The following CUX2 variants were observed in gnomAD, a reference collection of about 807,000 sequenced individuals.
CUX2 encodes the protein cut like homeobox 2.
Under a neutral mutation model 144.8 loss-of-function variants are expected in CUX2, and 40 were observed. The ratio of observed to expected loss-of-function variants is 0.28; its 90% CI spans 0.21 to 0.36. The LOEUF (loss-of-function observed/expected upper bound fraction) is 0.36, where lower values mean the gene tolerates loss of function less well. Among genes scored for constraint, CUX2 ranks in the 10% least tolerant of loss-of-function variants. The probability of loss-of-function intolerance (pLI) is 1.00; values close to 1 mark genes in which losing one functional copy is unlikely to be tolerated. For synonymous variants in CUX2, 827 were observed against 875.6 expected (o/e 0.94, Z 0.98); for missense variants, 1,615 against 1,994.0 (o/e 0.81, Z 3.62).
intron 1 of CUX2, among the ~76,000 whole-genome samples, chr12:111,085,911 T>A (rs997459119): frequency 1.3e-5 from 2 of 152,240 alleles, no homozygotes; most frequent in African/African-American, 2.4e-5. Context: ...CATCAGTGAA[T>A]GCTGGTGGAG....
rs1466274513 is a variant in CUX2, at chr12:111,310,558, A to C, written c.1776A>C (p.Leu592=). ...GLSQGSVSEI[L]ARPKPWRKLT... is the part of the protein sequence containing the mutation. ...CGCAGGGCTCGGTCAGCGAGATCCT[A>C]GCCCGGCCCAAGCCCTGGCGCAAGC... Residue 592 remains leucine, a synonymous_variant, in exon 15 of 22, where the codon CTA becomes CTC. Transcript: ENST00000261726. This position sits in a 1 kb window ranked among gnomAD's most constrained non-coding sequence, Gnocchi z 7.9. 6.2e-7 allele frequency: 1 copy of C among 1,613,962 alleles called. No homozygotes were observed. The highest frequency in any genetic ancestry group is 8.5e-7 in the Non-Finnish European group (1 of 1,179,992).
At chr12:111,100,103 C>G in intron 1 of CUX2, 1 of 455,946 alleles carries the variant, frequency 2.2e-6, no homozygotes, top group Non-Finnish European at 4.4e-6. Context: ...GGAGAGGAGG[C>G]AGGAGCTGCC....
intron 3 of CUX2, among the ~76,000 whole-genome samples, chr12:111,231,573 A>C (rs560611028): frequency 1.3e-5 from 2 of 152,364 alleles, no homozygotes; most frequent in Non-Finnish European, 2.9e-5. Context: ...AGAAGTCAGC[A>C]GACTGTGGCC....
chr12:111,149,546 C>G (rs1876907857), intron 1 of CUX2, among the ~76,000 whole-genome samples: 1 of 152,106 alleles, frequency 6.6e-6, no homozygotes, highest in South Asian at 2.1e-4. Flanking sequence ...AAAAATGTCT[C>G]CAGATGTTAC....
intron 3 of CUX2, among the ~76,000 whole-genome samples, chr12:111,254,856 T>C (rs1233285377): frequency 6.6e-6 from 1 of 152,104 alleles, no homozygotes; most frequent in Non-Finnish European, 1.5e-5. Context: ...GCAGTCTTTT[T>C]TTTTCCTTTT....
chr12:111,150,990 G>T (rs927711922), intron 1 of CUX2, among the ~76,000 whole-genome samples: 1 of 152,184 alleles, frequency 6.6e-6, no homozygotes, highest in Non-Finnish European at 1.5e-5. Flanking sequence ...GTTTTCAACT[G>T]ACCTGATTCC....
At chr12:111,331,857 A>G (rs1008571497) in intron 18 of CUX2, among the ~76,000 whole-genome samples, 8 of 152,054 alleles carry the variant, frequency 5.3e-5, no homozygotes, top group Non-Finnish European at 1.0e-4. Context: ...AGGAGGGTGG[A>G]TCACTTGAGG....
At chr12:111,200,939 C>T (rs973317373) in intron 1 of CUX2, among the ~76,000 whole-genome samples, 5 of 152,194 alleles carry the variant, frequency 3.3e-5, no homozygotes, top group Admixed American at 6.5e-5. Context: ...TCTGCTGGGC[C>T]TCTCCGTAAA....
intron 3 of CUX2, among the ~76,000 whole-genome samples, chr12:111,250,336 G>A (rs897630482): frequency 2.6e-5 from 4 of 151,830 alleles, no homozygotes; most frequent in Middle Eastern, 3.4e-3. Flanking sequence ...ACAGCCCCCC[G>A]CCCCCCAATT....
chr12:111,111,231 G>A (rs1873932621), intron 1 of CUX2, among the ~76,000 whole-genome samples: 1 of 152,142 alleles, frequency 6.6e-6, no homozygotes, highest in African/African-American at 2.4e-5. Flanking sequence ...GAACCCAGGA[G>A]GCGGAGGTTG....
At chr12:111,118,456 C>A (rs1874428550) in intron 1 of CUX2, among the ~76,000 whole-genome samples, 1 of 152,130 alleles carries the variant, frequency 6.6e-6, no homozygotes, top group Non-Finnish European at 1.5e-5. Flanking sequence ...AATATTTACA[C>A]CCCAGAAATT....
intron 1 of CUX2, among the ~76,000 whole-genome samples, chr12:111,090,107 C>A (rs907789916): frequency 6.6e-6 from 1 of 152,132 alleles, no homozygotes; most frequent in African/African-American, 2.4e-5. Flanking sequence ...ATCTGATCCC[C>A]GGTCCTGGAG....
At chr12:111,038,769 T>C (rs1456551822) in intron 1 of CUX2, among the ~76,000 whole-genome samples, 6 of 152,010 alleles carry the variant, frequency 3.9e-5, no homozygotes, top group African/African-American at 9.7e-5. Flanking sequence ...GGTTTTACTG[T>C]TGGGGGTCTT....
At chr12:111,070,870 T>C (rs1340115668) in intron 1 of CUX2, among the ~76,000 whole-genome samples, 12 of 152,212 alleles carry the variant, frequency 7.9e-5, no homozygotes, top group Non-Finnish European at 1.6e-4. Context: ...GTATGTAGCC[T>C]TTTCAGATTG....
intron 3 of CUX2, among the ~76,000 whole-genome samples, chr12:111,249,400 CTTTTTTTTTTTTT>C (rs778334868): frequency 2.5e-5 from 2 of 80,116 alleles, no homozygotes; most frequent in African/African-American, 9.4e-5. Context: ...GTGCTATTGC[CTTTTTTTTTTTTT>C]TTTTTTTTTT....
rs1200759539 is a variant in CUX2, at chr12:111,312,170, G to C, written c.1971G>C (p.Gln657His). The C allele has an allele frequency of 1.5e-5, 24 of 1,611,264 alleles. No homozygotes were observed. The highest frequency in any genetic ancestry group is 1.9e-5 in the Non-Finnish European group (22 of 1,178,052). Residue 657 changes from glutamine to histidine, a missense_variant, in exon 16 of 22, where the codon CAG becomes CAC. Physicochemically the swap from Gln to His is conservative, Grantham distance 24. Coordinates refer to ENST00000261726, the MANE Select transcript of CUX2 (RefSeq NM_015267.4). The surrounding 1 kb of genome is among the most constrained non-coding windows in gnomAD (Gnocchi z 4.3). The stretch of plus-strand genomic sequence containing the variant: ...ACGCCATCAAGAGCATTCTAGAGCA[G>C]GCCAAGAAGGAGATCGAGTCGCAGA... Reference protein sequence around the residue: ...SDDAIKSILEQAKKEIESQKG... With the variant: ...SDDAIKSILEHAKKEIESQKG...
At chr12:111,046,904 G>C (rs1239415099) in intron 1 of CUX2, among the ~76,000 whole-genome samples, 2 of 152,212 alleles carry the variant, frequency 1.3e-5, no homozygotes, top group Non-Finnish European at 1.5e-5. Flanking sequence ...TGATCTGCCT[G>C]CCTCGGCCTC....
chr12:111,248,539 G>A (rs1883395183), intron 3 of CUX2, among the ~76,000 whole-genome samples: 1 of 151,920 alleles, frequency 6.6e-6, no homozygotes, highest in African/African-American at 2.4e-5. Context: ...TTGCAGCATT[G>A]TCTGTCTGTC....
intron 16 of CUX2, among the ~76,000 whole-genome samples, chr12:111,318,738 A>C (rs939911079): frequency 6.6e-6 from 1 of 151,608 alleles, no homozygotes; most frequent in African/African-American, 2.4e-5. Flanking sequence ...GTCGGAGTGC[A>C]ATCTTGGTTC....
Sources: gnomAD v4.1 joint callset for allele counts (sites outside exome capture counted in the v4.1 genomes callset) on GRCh38, gnomAD v4.1.1 for gene constraint, Gnocchi (gnomAD v3.1) non-coding constraint, MANE v1.5 for transcripts, NCBI Gene and HGNC (gene_info 2026-07-23, HGNC 2026-07-21) for gene names.